STAG2: variants seen among roughly 807,000 people sequenced by gnomAD.
The protein encoded by STAG2 is STAG2 cohesin complex component.
STAG2 carries 14 observed loss-of-function variants against 108.1 expected under a neutral mutation model. That is an observed-to-expected ratio of 0.13 (90% CI 0.09 to 0.20). The LOEUF is 0.20. STAG2 is among the 10% of genes least tolerant of loss of function. The probability of loss-of-function intolerance (pLI) is 1.00; values close to 1 mark genes in which losing one functional copy is unlikely to be tolerated. For missense variants in STAG2, 440 were observed against 940.9 expected, an observed-to-expected ratio of 0.47 and a Z score of 6.96; for synonymous variants, 307 against 302.7, an observed-to-expected ratio of 1.01 and a Z score of -0.15.
intron 9 of STAG2, among the ~76,000 whole-genome samples, chrX:124,048,493 G>A (rs2057940120): frequency 9.0e-6 from 1 of 111,595 alleles, no homozygotes; most frequent in Non-Finnish European, 1.9e-5. Context: ...GGAGTACAGT[G>A]GCACTATCTC....
chrX:124,010,072 C>A (rs769730880), intron 1 of STAG2, among the ~76,000 whole-genome samples: 21 of 111,276 alleles, frequency 1.9e-4, no homozygotes, highest in African/African-American at 6.2e-4. Context: ...TAAGTAAAAT[C>A]CTGTGAGTTT....
rs1569520230 is a variant in STAG2 at position 124,083,543 on chromosome X, G to A, written c.3047G>A (p.Arg1016Lys). ...FSSKLLRQDK[R>K]TVYVYLEKFM... ...TCTAAACTACTTCGACAAGACAAAA[G>A]AACAGTGTATGTATTTGCTGGAAAT... is the stretch of plus-strand genomic sequence containing the variant. Residue 1016 changes from arginine (R) to lysine (K), a missense_variant, in exon 29 of 35, where the codon AGA (arginine) becomes AAA (lysine). By Grantham distance (26) the Arg-to-Lys change is conservative (BLOSUM62 2). This residue lies in a region of STAG2 where 337 missense variants were observed against 649.3 expected (regional missense o/e 0.52). Transcript: ENST00000371145. The A allele has an allele frequency of 8.5e-7, 1 of 1,179,995 alleles. No homozygotes were observed. Among genetic ancestry groups the A allele is most frequent in the Admixed American group, 2.4e-5 (1 of 41,812 alleles).
At chrX:124,045,759 T>C (rs765424941) in intron 8 of STAG2, among the ~76,000 whole-genome samples, 1 of 111,000 alleles carries the variant, frequency 9.0e-6, no homozygotes, top group Non-Finnish European at 1.9e-5. Flanking sequence ...TAGGTATGTA[T>C]TGGGTTTTTG....
intron 4 of STAG2, among the ~76,000 whole-genome samples, chrX:124,028,492 C>T (rs1414466786): frequency 1.8e-5 from 2 of 111,013 alleles, no homozygotes; most frequent in Non-Finnish European, 3.8e-5. Flanking sequence ...TATTTTTGGA[C>T]TGCAGCAGAC....
At chrX:124,002,140 C>G (rs1457800232) in intron 1 of STAG2, among the ~76,000 whole-genome samples, 5 of 111,322 alleles carry the variant, frequency 4.5e-5, no homozygotes, top group Non-Finnish European at 7.5e-5. Context: ...TGGCTTGAGC[C>G]CAGGAATTTG....
intron 13 of STAG2, 97 bp from the exon 14 acceptor site, chrX:124,056,029 CTT>C: frequency 2.3e-6 from 1 of 435,596 alleles, no homozygotes; most frequent in African/African-American, 2.6e-5. Flanking sequence ...ATTCATGAAA[CTT>C]TACAACTTTT....
intron 11 of STAG2, 123 bp from the exon 12 acceptor site, chrX:124,050,998 A>G: frequency 2.4e-6 from 1 of 423,266 alleles, no homozygotes; most frequent in Non-Finnish European, 4.0e-6. Flanking sequence ...TTCTGAAGGA[A>G]TGCTATGGTA....
rs1328831565 is a variant in STAG2 at position 124,101,487 on chromosome X, T to G, written c.*890T>G. The G allele has an allele frequency of 1.3e-5, 2 of 148,609 alleles. No individual in the cohort carries two copies. The highest frequency in any genetic ancestry group is 2.6e-5 in the Non-Finnish European group (2 of 75,726). 12.2% of individuals were successfully genotyped at this position (148,609 alleles called of 1,213,427 possible). On this transcript the variant is annotated 3_prime_UTR_variant, in exon 35 of 35. Transcript: ENST00000371145. ...GATCTAAATTTTAAATAAAATTATA[T>G]ATATATATAAATTGGTGCTGATTTT... is the stretch of plus-strand genomic sequence containing the variant.
chrX:123,991,719 C>T (rs1288723926), intron 1 of STAG2, among the ~76,000 whole-genome samples: 4 of 107,146 alleles, frequency 3.7e-5, no homozygotes, highest in African/African-American at 1.4e-4. Flanking sequence ...GGCTGGAGTG[C>T]AATGGCGCGA....
intron 1 of STAG2, among the ~76,000 whole-genome samples, chrX:123,997,604 C>T (rs1170916184): frequency 1.8e-5 from 2 of 112,316 alleles, no homozygotes; most frequent in Non-Finnish European, 3.8e-5. Flanking sequence ...TTTCACTTAG[C>T]CCATTGTCTT....
intron 1 of STAG2, among the ~76,000 whole-genome samples, chrX:123,999,287 C>T (rs1443411016): frequency 9.0e-6 from 1 of 111,277 alleles, no homozygotes; most frequent in Non-Finnish European, 1.9e-5. Context: ...TTTTATTTAG[C>T]TCCACCATTT....
chrX:124,055,095 A>C (rs961685005), intron 13 of STAG2, among the ~76,000 whole-genome samples: 1 of 112,256 alleles, frequency 8.9e-6, no homozygotes, highest in African/African-American at 3.2e-5. Context: ...TTAAAAACAC[A>C]CAAGTTATTT....
chrX:124,085,230 TG>T lies in STAG2; in HGVS notation c.3054-1312del, dbSNP rs971529870. 2.1e-4 allele frequency among the ~76,000 whole-genome samples: 23 copies of T among 111,727 alleles called. 1 individual carries two copies. Among genetic ancestry groups the T allele is most frequent in the Non-Finnish European group, 3.0e-4 (16 of 53,173 alleles). The stretch of plus-strand genomic sequence containing the variant: ...ATGTATTGAATGTACAAAATGTGCA[TG>T]GGGGTGATAAGTAGTGGTAACCTCT... On this transcript the variant is annotated intron_variant, in intron 29 of 34. Coordinates refer to ENST00000371145, the MANE Select transcript of STAG2 (RefSeq NM_001042750.2).
intron 1 of STAG2, among the ~76,000 whole-genome samples, chrX:124,020,423 C>T (rs759264734): frequency 1.7e-4 from 19 of 112,212 alleles, no homozygotes; most frequent in South Asian, 3.7e-4. Flanking sequence ...TTTATTAGTT[C>T]TGTGCCTCTC....
chrX:124,077,441 A>C (rs1489390885), intron 26 of STAG2, among the ~76,000 whole-genome samples: 1 of 111,666 alleles, frequency 9.0e-6, no homozygotes. Flanking sequence ...TGTGTAATGT[A>C]AATGTCATAT....
At chrX:124,033,912 T>C (rs1323336178) in intron 5 of STAG2, among the ~76,000 whole-genome samples, 2 of 112,042 alleles carry the variant, frequency 1.8e-5, no homozygotes, top group Non-Finnish European at 3.8e-5. Context: ...GGTTCATAGA[T>C]GGCATCCTCT....
At chrX:124,067,091 G>A (rs1441562227) in intron 23 of STAG2, among the ~76,000 whole-genome samples, 1 of 111,495 alleles carries the variant, frequency 9.0e-6, no homozygotes, top group Non-Finnish European at 1.9e-5. Flanking sequence ...TTAGGTGTTT[G>A]TAGGCATTTT....
chrX:124,045,059 A>G (rs1174935590), intron 7 of STAG2, 105 bp from the exon 8 acceptor site: 6 of 663,623 alleles, frequency 9.0e-6, no homozygotes, highest in Non-Finnish European at 1.4e-5. Flanking sequence ...AAGAAAGGTG[A>G]GATAAAGATA....
At chrX:123,965,929 A>G (rs1217465003) in intron 1 of STAG2, among the ~76,000 whole-genome samples, 2 of 109,559 alleles carry the variant, frequency 1.8e-5, no homozygotes, top group Non-Finnish European at 3.8e-5. Context: ...AGCCCGGTAC[A>G]TAGAGGCTGC....
Sources: gnomAD v4.1 joint callset for allele counts (sites outside exome capture counted in the v4.1 genomes callset) on GRCh38, gnomAD v4.1.1 for gene constraint, gnomAD v4.1.1 regional missense constraint, MANE v1.5 for transcripts, NCBI Gene and HGNC (gene_info 2026-07-23, HGNC 2026-07-21) for gene names.